The following GKAP1 variants were observed in gnomAD, a reference collection of about 807,000 sequenced individuals.
GKAP1 encodes the protein G kinase-anchoring protein 1.
GKAP1 carries 31 observed loss-of-function variants against 56.7 expected under a neutral mutation model. That is an observed-to-expected ratio of 0.55 (90% confidence interval 0.41 to 0.74). GKAP1 has a LOEUF of 0.74. GKAP1 is among the 30% of genes least tolerant of loss of function. GKAP1 has a pLI of 0.00. For synonymous variants in GKAP1, 151 were observed against 138.6 expected, an observed-to-expected ratio of 1.09 and a Z score of -0.63; for missense variants, 364 against 402.3, an observed-to-expected ratio of 0.90 and a Z score of 0.82.
chr9:83,752,174 C>A (rs751885013), intron 9 of GKAP1, among the ~76,000 whole-genome samples: 1 of 152,132 alleles, frequency 6.6e-6, no homozygotes, highest in Non-Finnish European at 1.5e-5. Flanking sequence ...GAGGCCAAGG[C>A]GAGCAGATCA....
At chr9:83,762,388 G>T (rs1185424150) in intron 8 of GKAP1, among the ~76,000 whole-genome samples, 4 of 151,992 alleles carry the variant, frequency 2.6e-5, no homozygotes, top group African/African-American at 9.7e-5. Flanking sequence ...AAACACTGAT[G>T]AACAAAACTG....
chr9:83,778,636 A>G (rs1269389563), intron 7 of GKAP1, among the ~76,000 whole-genome samples: 1 of 152,146 alleles, frequency 6.6e-6, no homozygotes, highest in Non-Finnish European at 1.5e-5. Context: ...TGTATAACAA[A>G]CCACCGTGAC....
chr9:83,751,617 G>T (rs1453984009), intron 9 of GKAP1, among the ~76,000 whole-genome samples: 1 of 152,092 alleles, frequency 6.6e-6, no homozygotes, highest in Non-Finnish European at 1.5e-5. Flanking sequence ...GCTGGAACTT[G>T]ATTTATTTTT....
chr9:83,740,919 C>T (rs1381370462), intron 12 of GKAP1, among the ~76,000 whole-genome samples: 1 of 152,090 alleles, frequency 6.6e-6, no homozygotes, highest in African/African-American at 2.4e-5. Flanking sequence ...AGAATGCTGT[C>T]ATTCACTCCT....
chr9:83,784,591 A>G (rs867586890), intron 6 of GKAP1, 124 bp downstream of exon 6: 1 of 690,820 alleles, frequency 1.4e-6, no homozygotes, highest in Middle Eastern at 4.4e-4. Flanking sequence ...TACATTTTTT[A>G]CATTCTACAT....
chr9:83,790,500 T>C (rs1195192069), intron 4 of GKAP1, among the ~76,000 whole-genome samples: 5 of 152,064 alleles, frequency 3.3e-5, no homozygotes, highest in Non-Finnish European at 5.9e-5. Flanking sequence ...TTAACAAAAC[T>C]AGGCCGGCAC....
At chr9:83,759,675 C>A (rs1042748866) in intron 8 of GKAP1, among the ~76,000 whole-genome samples, 1 of 152,042 alleles carries the variant, frequency 6.6e-6, no homozygotes, top group African/African-American at 2.4e-5. Context: ...TAAGGTCATG[C>A]CCATTATCTT....
chr9:83,812,582 C>T lies in GKAP1; in HGVS notation c.-44+4414G>A, dbSNP rs1587746766. Among the ~76,000 whole-genome samples, 5 of 151,018 alleles carry T rather than the reference C, an allele frequency of 3.3e-5. No individual in the cohort carries two copies. The South Asian group carries it at 8.4e-4, about 25-fold the overall frequency. Reference sequence around the variant, plus strand: ...CTTGAACCCCTAGGCTCAAGCAATCCTCCTACCTCAGCCTCCCAAAGTGCT... The same window carrying T: ...CTTGAACCCCTAGGCTCAAGCAATCTTCCTACCTCAGCCTCCCAAAGTGCT... On this transcript the variant is annotated intron_variant, in intron 2 of 12. Transcript: ENST00000376371.
intron 4 of GKAP1, among the ~76,000 whole-genome samples, chr9:83,791,959 A>G (rs1441684119): frequency 6.6e-6 from 1 of 152,230 alleles, no homozygotes; most frequent in Non-Finnish European, 1.5e-5. Flanking sequence ...TAGATATACT[A>G]TGGGATACTA....
At position 83,787,366 on chromosome 9, in the gene GKAP1, AG is replaced by A. The variant is rs1343039821; in HGVS notation, c.438+1234del. Among the ~76,000 whole-genome samples the A allele has an allele frequency of 5.9e-5, 9 of 151,804 alleles. No homozygotes were observed. The East Asian group carries it at 1.7e-3, about 29-fold the overall frequency. The stretch of plus-strand genomic sequence containing the variant: ...GTTCTCCCACCTCAGCCTCCCAAGT[AG>A]CTGGGAATACAGGCTCACACCACCA... On this transcript the variant is annotated intron_variant, in intron 5 of 12. Coordinates refer to ENST00000376371, the MANE Select transcript of GKAP1 (RefSeq NM_025211.4).
At chr9:83,799,395 AT>A in intron 3 of GKAP1, 67 bp from the exon 4 acceptor site, 2 of 1,161,438 alleles carry the variant, frequency 1.7e-6, no homozygotes, top group Non-Finnish European at 2.4e-6. Flanking sequence ...GATTTTTTTA[AT>A]TAAAAAAAAA....
chr9:83,806,083 C>G (rs1207481188), intron 3 of GKAP1, among the ~76,000 whole-genome samples: 2 of 151,648 alleles, frequency 1.3e-5, no homozygotes, highest in African/African-American at 4.9e-5. Flanking sequence ...TCCCACTGCA[C>G]TCCAGCCTAG....
intron 4 of GKAP1, among the ~76,000 whole-genome samples, chr9:83,792,110 T>C (rs1274804044): frequency 2.0e-5 from 3 of 152,218 alleles, no homozygotes; most frequent in South Asian, 2.1e-4. Flanking sequence ...GAACAAGTTA[T>C]ATTAACTCCT....
rs1339076809 is a variant in GKAP1, at chr9:83,802,184, TAAAGA to T, written c.217-2861_217-2857del. 3.3e-5 allele frequency among the ~76,000 whole-genome samples: 5 copies of T among 152,066 alleles called. No individual in the cohort carries two copies. The East Asian group carries it at 9.7e-4, about 29-fold the overall frequency. On this transcript the variant is annotated intron_variant, in intron 3 of 12. Coordinates refer to ENST00000376371, the MANE Select transcript of GKAP1 (RefSeq NM_025211.4). ...AGGGCCTTCCATACAGTTTTTACTC[TAAAGA>T]AAAGAAATGGGCCAGGCGCAGTGGC...
intron 5 of GKAP1, among the ~76,000 whole-genome samples, chr9:83,787,951 T>G (rs527771880): frequency 1.3e-5 from 2 of 152,318 alleles, no homozygotes; most frequent in East Asian, 3.9e-4. Context: ...ATATTAAAAT[T>G]TTAAATCCAC....
At chr9:83,777,780 C>T (rs975390281) in intron 7 of GKAP1, among the ~76,000 whole-genome samples, 2 of 151,976 alleles carry the variant, frequency 1.3e-5, no homozygotes, top group African/African-American at 2.4e-5. Flanking sequence ...CAGCATACGA[C>T]GTTAACAAAA....
chr9:83,747,207 C>T (rs1287689960), intron 10 of GKAP1, among the ~76,000 whole-genome samples: 1 of 152,114 alleles, frequency 6.6e-6, no homozygotes. Context: ...TTTCATAAAA[C>T]TTTCAAGATA....
intron 4 of GKAP1, among the ~76,000 whole-genome samples, chr9:83,795,004 A>G (rs566770794): frequency 1.3e-5 from 2 of 152,182 alleles, no homozygotes; most frequent in South Asian, 2.1e-4. Flanking sequence ...ACAATACAAA[A>G]AACTAGCCGG....
At chr9:83,787,968 T>C in intron 5 of GKAP1, among the ~76,000 whole-genome samples, 1 of 152,202 alleles carries the variant, frequency 6.6e-6, no homozygotes, top group Non-Finnish European at 1.5e-5. Flanking sequence ...CCACTTATTT[T>C]CTATGTTCAT....
Sources: gnomAD v4.1 joint callset for allele counts (sites outside exome capture counted in the v4.1 genomes callset) on GRCh38, gnomAD v4.1.1 for gene constraint, MANE v1.5 for transcripts, NCBI Gene and HGNC (gene_info 2026-07-23, HGNC 2026-07-21) for gene names.